The following IPO11 variants were observed in gnomAD, a reference collection of about 807,000 sequenced individuals.
IPO11 encodes importin-11.
In IPO11, 66 loss-of-function variants were observed where a neutral mutation model predicts 143.2. The ratio of observed to expected loss-of-function variants is 0.46; its 90% CI spans 0.38 to 0.57. IPO11 has a LOEUF of 0.57. IPO11 is among the 20% of genes least tolerant of loss of function. The probability of loss-of-function intolerance (pLI) is 0.00; values close to 1 mark genes in which losing one functional copy is unlikely to be tolerated. For missense variants in IPO11, 1,026 were observed against 1,141.0 expected, an observed-to-expected ratio of 0.90 and a Z score of 1.45; for synonymous variants, 385 against 377.8, an observed-to-expected ratio of 1.02 and a Z score of -0.22.
chr5:62,422,453 T>A (rs767297233), intron 1 of IPO11: 4 of 152,272 alleles, frequency 2.6e-5, no homozygotes, highest in Non-Finnish European at 4.4e-5. Context: ...GCAATAAGCA[T>A]AACTGCTGTT....
chr5:62,550,256 A>G (rs1159654480), intron 24 of IPO11, 111 bp from the exon 25 acceptor site: 1 of 706,860 alleles, frequency 1.4e-6, no homozygotes, highest in East Asian at 2.6e-5. Context: ...ACGTGTATGC[A>G]TTCTTAAATT....
chr5:62,528,953 T>C (rs541086178), intron 21 of IPO11, among the ~76,000 whole-genome samples: 30 of 152,308 alleles, frequency 2.0e-4, no homozygotes, highest in African/African-American at 6.7e-4. Context: ...TCCATCTCAC[T>C]AGAGATTTGT....
In IPO11 at chr5:62,438,105, T is replaced by TA. The variant is rs201041879; in HGVS notation, c.138+693dup. On this transcript the variant is annotated intron_variant, in intron 2 of 29. Coordinates refer to ENST00000325324, the MANE Select transcript of IPO11 (RefSeq NM_016338.5). ...AGGGCAACAAAGCTCCCCGTTGGGT[T>TA]AAAAACTGACTCAGTATTTGTGACC... 7.3e-3 allele frequency among the ~76,000 whole-genome samples: 1,106 copies of TA among 152,326 alleles called. 14 individuals carry two copies. Among genetic ancestry groups the TA allele is most frequent in the African/African-American group, 0.025 (1,041 of 41,578 alleles).
At position 62,576,167 on chromosome 5, in the gene IPO11, T is replaced by C. The variant is rs114779851; in HGVS notation, c.2582+14910T>C. ...GCCCAAATAGAATTCAGTTTCATCT[T>C]GGGCATAAACACCTTCAGTTTTAAG... On this transcript the variant is annotated intron_variant, in intron 27 of 29. Coordinates refer to ENST00000325324, the MANE Select transcript of IPO11 (RefSeq NM_016338.5). 8.9e-3 allele frequency: 1,395 copies of C among 156,544 alleles called. 21 individuals carry two copies. The highest frequency in any genetic ancestry group is 0.032 in the African/African-American group (1,316 of 41,604). The allele number at this position is 156,544 out of a possible 1,614,324, so 9.7% of individuals were successfully genotyped here. A position where few individuals can be genotyped will look rare whatever the true frequency, so the allele number is the denominator to read the frequency against.
chr5:62,531,581 G>A (rs1263396633), intron 22 of IPO11, among the ~76,000 whole-genome samples: 2 of 152,114 alleles, frequency 1.3e-5, no homozygotes, highest in African/African-American at 2.4e-5. Context: ...GCCTGCCTTG[G>A]CCTCCCAAAG....
chr5:62,537,079 G>A (rs1323363179), intron 23 of IPO11, 130 bp from the exon 24 acceptor site: 12 of 581,798 alleles, frequency 2.1e-5, no homozygotes, highest in Non-Finnish European at 3.5e-5. Flanking sequence ...CGTTCTGATT[G>A]AAATTTGATA....
At chr5:62,529,926 T>C (rs1742488553) in intron 21 of IPO11, among the ~76,000 whole-genome samples, 1 of 152,236 alleles carries the variant, frequency 6.6e-6, no homozygotes, top group African/African-American at 2.4e-5. Flanking sequence ...AATTTGCGTT[T>C]GTTGCACTAA....
chr5:62,458,850 T>G (rs1310525728), intron 5 of IPO11, among the ~76,000 whole-genome samples: 1 of 152,218 alleles, frequency 6.6e-6, no homozygotes. Context: ...GTACTCTTCC[T>G]GTATTGATTC....
rs138446640 is a variant in IPO11 at position 62,438,841 on chromosome 5, C to T, written c.138+1424C>T. On this transcript the variant is annotated intron_variant, in intron 2 of 29. Transcript: ENST00000325324. ...TTGGGAGGCCAAGGCGGGCGAATCA[C>T]GTGACCAGGAGATTGAGACCATCCT... Among the ~76,000 whole-genome samples, 1,118 of 152,046 alleles carry T rather than the reference C, an allele frequency of 7.4e-3. 4 individuals are homozygous for T. Among genetic ancestry groups the T allele is most frequent in the Non-Finnish European group, 9.1e-3 (622 of 67,992 alleles).
At chr5:62,547,807 A>G (rs1743256578) in intron 24 of IPO11, among the ~76,000 whole-genome samples, 3 of 152,094 alleles carry the variant, frequency 2.0e-5, no homozygotes, top group Admixed American at 2.0e-4. Context: ...GCTATGTATT[A>G]TTACTATAAA....
chr5:62,435,144 G>GTGTATATATGTGTATATATGTGTA (rs1554047221), intron 1 of IPO11, among the ~76,000 whole-genome samples: 1 of 64,992 alleles, frequency 1.5e-5, no homozygotes, highest in African/African-American at 5.8e-5. Context: ...ATGTATATAT[G>GTGTATATATGTGTATATATGTGTA]TATATATGTA....
chr5:62,521,997 T>C (rs912634013), intron 20 of IPO11, among the ~76,000 whole-genome samples: 1 of 152,202 alleles, frequency 6.6e-6, no homozygotes, highest in Non-Finnish European at 1.5e-5. Context: ...TCTCTGTTTC[T>C]TTTAGGGTGC....
chr5:62,472,957 T>C (rs1745833237), intron 7 of IPO11, among the ~76,000 whole-genome samples: 1 of 152,178 alleles, frequency 6.6e-6, no homozygotes, highest in Non-Finnish European at 1.5e-5. Flanking sequence ...GCCTTTATAA[T>C]TTTCTACTTT....
At chr5:62,484,687 A>G (rs575300462) in intron 11 of IPO11, among the ~76,000 whole-genome samples, 8 of 151,444 alleles carry the variant, frequency 5.3e-5, no homozygotes, top group South Asian at 2.1e-4. Flanking sequence ...ACTTACTTGT[A>G]TGTGAATTAC....
chr5:62,491,666 GT>G (rs372842718), intron 15 of IPO11, among the ~76,000 whole-genome samples: 3,346 of 139,986 alleles, frequency 0.024, 63 homozygotes, highest in African/African-American at 0.066. Context: ...ATATTAATAA[GT>G]TTTTTTTTTT....
chr5:62,490,395 C>T (rs1361669847), intron 15 of IPO11, among the ~76,000 whole-genome samples, 175 bp downstream of exon 15: 2 of 152,046 alleles, frequency 1.3e-5, no homozygotes, highest in Non-Finnish European at 2.9e-5. Flanking sequence ...TTTGATATAT[C>T]AGGTAGTTTG....
chr5:62,542,449 A>G (rs917921479), intron 24 of IPO11, among the ~76,000 whole-genome samples: 16 of 152,342 alleles, frequency 1.1e-4, no homozygotes, highest in African/African-American at 3.8e-4. Context: ...GAGTTCTAGT[A>G]TAGCAATAAC....
intron 24 of IPO11, among the ~76,000 whole-genome samples, chr5:62,548,209 A>G (rs1313663719): frequency 1.3e-5 from 2 of 152,032 alleles, no homozygotes; most frequent in African/African-American, 4.8e-5. Context: ...TTTCTGTACA[A>G]TCTTTTGTAT....
chr5:62,564,403 T>C (rs1426368271), intron 27 of IPO11, among the ~76,000 whole-genome samples: 1 of 152,218 alleles, frequency 6.6e-6, no homozygotes, highest in Non-Finnish European at 1.5e-5. Context: ...TGATTTCTTA[T>C]TTTTCTACAT....
Sources: gnomAD v4.1 joint callset for allele counts (sites outside exome capture counted in the v4.1 genomes callset) on GRCh38, gnomAD v4.1.1 for gene constraint, MANE v1.5 for transcripts, NCBI Gene and HGNC (gene_info 2026-07-23, HGNC 2026-07-21) for gene names.